RNF168: variants seen among roughly 807,000 people sequenced by gnomAD.
The protein encoded by RNF168 is E3 ubiquitin-protein ligase RNF168.
RNF168 carries 34 observed loss-of-function variants against 34.9 expected under a neutral mutation model. The observed-to-expected ratio is 0.97, with a 90% CI of 0.74 to 1.30. The LOEUF (loss-of-function observed/expected upper bound fraction) is 1.30, where lower values mean the gene tolerates loss of function less well. Among genes scored for constraint, RNF168 ranks in the 50% most tolerant of loss-of-function variants. RNF168 has a pLI of 0.00. For synonymous variants in RNF168, 264 were observed against 254.7 expected, an observed-to-expected ratio of 1.04 and a Z score of -0.35; for missense variants, 725 against 682.5, an observed-to-expected ratio of 1.06 and a Z score of -0.69.
chr3:196,487,769 AATT>A (rs1416515632), intron 2 of RNF168, among the ~76,000 whole-genome samples, 191 bp from the exon 3 acceptor site: 2 of 152,198 alleles, frequency 1.3e-5, no homozygotes, highest in African/African-American at 4.8e-5. Flanking sequence ...AAAGCACTGA[AATT>A]ATAGGTGTGA....
intron 4 of RNF168, 127 bp downstream of exon 4, chr3:196,483,643 C>T (rs1732347951): frequency 1.2e-6 from 1 of 809,150 alleles, no homozygotes; most frequent in Admixed American, 1.9e-5. Context: ...CAATTTACCT[C>T]AACCTCAGAC....
At position 196,483,820 on chromosome 3, in the gene RNF168, C is replaced by G; in HGVS notation, c.630G>C (p.Lys210Asn). The change falls in exon 4 of 6, where the codon AAG becomes AAC. Residue 210 changes from lysine to asparagine, a missense_variant. Lys to Asn is a moderately conservative substitution (Grantham distance 94, BLOSUM62 0). Coordinates refer to ENST00000318037, the MANE Select transcript of RNF168 (RefSeq NM_152617.4). ...NSRKSDPVTP[K>N]SEKKSKNKQR... is the part of the protein sequence containing the mutation. ...GTTTGTTCTTACTTTTCTTTTCAGACTTGGGTGTAACTGGATCAGATTTTC... is the reference window on the plus strand; with the variant it reads ...GTTTGTTCTTACTTTTCTTTTCAGAGTTGGGTGTAACTGGATCAGATTTTC... 1 of 1,609,422 alleles carries G rather than the reference C, an allele frequency of 6.2e-7. No homozygotes were observed. The highest frequency in any genetic ancestry group is 8.5e-7 in the Non-Finnish European group (1 of 1,175,846).
intron 4 of RNF168, among the ~76,000 whole-genome samples, chr3:196,476,129 G>C (rs1294957737): frequency 6.6e-6 from 1 of 152,046 alleles, no homozygotes; most frequent in African/African-American, 2.4e-5. Flanking sequence ...CAAAGTGCTG[G>C]GATTACAGCC....
intron 3 of RNF168, among the ~76,000 whole-genome samples, chr3:196,486,369 T>C (rs963354504): frequency 6.6e-6 from 1 of 152,068 alleles, no homozygotes; most frequent in Non-Finnish European, 1.5e-5. Flanking sequence ...TTTTTTGAGA[T>C]GGTCTTCCAG....
chr3:196,497,822 A>C lies in RNF168; in HGVS notation c.301+5051T>G, dbSNP rs139478209. On this transcript the variant is annotated intron_variant, in intron 1 of 5. Transcript: ENST00000318037. ...GAAAATTAAGAATTTCAGCTCGTCA[A>C]AACAATTAAGAATATCTGGCAAAGT... Among the ~76,000 whole-genome samples the C allele has an allele frequency of 8.5e-5, 13 of 152,366 alleles. No homozygotes were observed. The East Asian group carries it at 2.5e-3, about 29-fold the overall frequency.
Position 196,503,512 on chromosome 3 carries a change from A to G in RNF168, c.-339T>C, listed in dbSNP as rs2108657739. 1 of 379,268 alleles carries G rather than the reference A, an allele frequency of 2.6e-6. No individual in the cohort carries two copies. Among genetic ancestry groups the G allele is most frequent in the East Asian group, 6.6e-5 (1 of 15,194 alleles). The allele number at this position is 379,268 out of a possible 1,614,324, so 23.5% of individuals were successfully genotyped here. A position where few individuals can be genotyped will look rare whatever the true frequency, so the allele number is the denominator to read the frequency against. Reference sequence around the variant, plus strand: ...CCGGGGCAGCGAGGGGAACGCGCCAAGTCCTCTCCTCCCCTCACCCGGAAA... The same window carrying G: ...CCGGGGCAGCGAGGGGAACGCGCCAGGTCCTCTCCTCCCCTCACCCGGAAA... On this transcript the variant is annotated 5_prime_UTR_variant, in exon 1 of 6. Transcript: ENST00000318037.
At chr3:196,493,720 G>T (rs1048021426) in intron 1 of RNF168, among the ~76,000 whole-genome samples, 1 of 151,990 alleles carries the variant, frequency 6.6e-6, no homozygotes, top group Non-Finnish European at 1.5e-5. Flanking sequence ...AGAGACGGGG[G>T]TTTTACCATG....
At chr3:196,495,176 C>CGTGTGTGT (rs34914417) in intron 1 of RNF168, among the ~76,000 whole-genome samples, 8 of 150,036 alleles carry the variant, frequency 5.3e-5, no homozygotes, top group African/African-American at 1.7e-4. Flanking sequence ...CATTGCCTTT[C>CGTGTGTGT]GTGTGTGTGT....
chr3:196,494,922 T>C (rs868421100), intron 1 of RNF168, among the ~76,000 whole-genome samples: 2 of 151,782 alleles, frequency 1.3e-5, no homozygotes, highest in Non-Finnish European at 2.9e-5. Flanking sequence ...ACTCAGGAGG[T>C]TGAGGTGGGA....
intron 3 of RNF168, among the ~76,000 whole-genome samples, 199 bp from the exon 4 acceptor site, chr3:196,484,090 T>A (rs1160636308): frequency 1.3e-5 from 2 of 152,132 alleles, no homozygotes; most frequent in Non-Finnish European, 2.9e-5. Context: ...CTAAATTAAT[T>A]ACATTTTTAC....
At chr3:196,484,450 A>G (rs191783208) in intron 3 of RNF168, among the ~76,000 whole-genome samples, 19 of 143,672 alleles carry the variant, frequency 1.3e-4, no homozygotes, top group African/African-American at 4.7e-4. Context: ...CTGGGATTAC[A>G]GGCATGAGGC....
chr3:196,497,592 C>G (rs896804670), intron 1 of RNF168, among the ~76,000 whole-genome samples: 8 of 151,914 alleles, frequency 5.3e-5, no homozygotes, highest in African/African-American at 1.9e-4. Flanking sequence ...ATCGCTTGAA[C>G]CTGGGAGGTG....
intron 1 of RNF168, among the ~76,000 whole-genome samples, chr3:196,496,394 C>A (rs1218966781): frequency 1.3e-5 from 2 of 152,138 alleles, no homozygotes; most frequent in Non-Finnish European, 2.9e-5. Flanking sequence ...TCACTCCAGT[C>A]CTCCAGCCTC....
At chr3:196,499,757 C>T (rs1042321667) in intron 1 of RNF168, among the ~76,000 whole-genome samples, 33 of 152,102 alleles carry the variant, frequency 2.2e-4, no homozygotes, top group African/African-American at 7.2e-4. Context: ...AAAAAACAAC[C>T]TGATTAAATG....
In RNF168 at chr3:196,482,129, G is replaced by A. The variant is rs911079958; in HGVS notation, c.680+1641C>T. 2.0e-5 allele frequency among the ~76,000 whole-genome samples: 3 copies of A among 151,794 alleles called. 1 individual carries two copies. The highest frequency in any genetic ancestry group is 2.0e-4 in the Admixed American group (3 of 15,218). On this transcript the variant is annotated intron_variant, in intron 4 of 5. Transcript: ENST00000318037. ...GCTGCCCTTTCTTCTTTTCTGATAC[G>A]GCACGTAAAGCCTTCTAAATACCAC...
chr3:196,473,349 T>C (rs761522412), intron 5 of RNF168, among the ~76,000 whole-genome samples: 1 of 152,194 alleles, frequency 6.6e-6, no homozygotes, highest in Non-Finnish European at 1.5e-5. Flanking sequence ...ATTTATGTTG[T>C]AAACACAATC....
intron 1 of RNF168, 36 bp downstream of exon 1, chr3:196,502,837 G>T: frequency 6.3e-7 from 1 of 1,582,658 alleles, no homozygotes; most frequent in Non-Finnish European, 8.7e-7. Flanking sequence ...AAAGACTTGC[G>T]GCTTTTGGCC....
chr3:196,487,313 A>C, intron 3 of RNF168, 86 bp downstream of exon 3: 1 of 1,146,674 alleles, frequency 8.7e-7, no homozygotes, highest in East Asian at 2.3e-5. Flanking sequence ...CTGGAAATAC[A>C]AGGAGCTGAC....
Position 196,470,706 on chromosome 3 carries a change from G to A in RNF168, c.*1113C>T, listed in dbSNP as rs1194561863. ...TCAGTCACCCCATCCAGCCTCATCT[G>A]GACCAGTTTCCGACGACCCAATCTG... On this transcript the variant is annotated 3_prime_UTR_variant, in exon 6 of 6. Transcript: ENST00000318037. 1 of 152,510 alleles carries A rather than the reference G, an allele frequency of 6.6e-6. No homozygotes were observed. Among genetic ancestry groups the A allele is most frequent in the South Asian group, 2.0e-4 (1 of 4,970 alleles). The allele number at this position is 152,510 out of a possible 1,614,324, so 9.4% of individuals were successfully genotyped here.
Sources: gnomAD v4.1 joint callset for allele counts (sites outside exome capture counted in the v4.1 genomes callset) on GRCh38, gnomAD v4.1.1 for gene constraint, MANE v1.5 for transcripts, NCBI Gene and HGNC (gene_info 2026-07-23, HGNC 2026-07-21) for gene names.